Variants in CERS6 observed in about 807,000 individuals in gnomAD.
The protein encoded by CERS6 is ceramide synthase 6, also known as LAG1 homolog, ceramide synthase 6.
Under a neutral mutation model 56.8 loss-of-function variants are expected in CERS6, and 26 were observed. That is an observed-to-expected ratio of 0.46 (90% CI 0.34 to 0.63). The LOEUF (loss-of-function observed/expected upper bound fraction) is 0.63, where lower values mean the gene tolerates loss of function less well. Ranked by LOEUF, CERS6 falls within the 30% of genes least tolerant of loss-of-function variation. The pLI is 0.01. For missense variants in CERS6, 415 were observed against 467.5 expected (o/e 0.89, Z 1.04); for synonymous variants, 164 against 173.3 (o/e 0.95, Z 0.42).
chr2:168,615,560 A>G (rs1684296656), intron 3 of CERS6, among the ~76,000 whole-genome samples: 1 of 148,158 alleles, frequency 6.7e-6, no homozygotes, highest in Non-Finnish European at 1.5e-5. Flanking sequence ...GATGCACGAA[A>G]GAAATGCAAA....
chr2:168,725,148 GC>G (rs1048752663), intron 8 of CERS6, among the ~76,000 whole-genome samples: 5 of 152,250 alleles, frequency 3.3e-5, no homozygotes, highest in Admixed American at 2.6e-4. Flanking sequence ...CGGGTGCTAA[GC>G]CCCTCATTGC....
intron 3 of CERS6, among the ~76,000 whole-genome samples, chr2:168,597,782 A>C (rs2105408150): frequency 6.6e-6 from 1 of 152,352 alleles, no homozygotes; most frequent in African/African-American, 2.4e-5. Flanking sequence ...AATTTATTCA[A>C]AGCCTGTATT....
At chr2:168,501,509 C>T (rs1282474951) in intron 1 of CERS6, among the ~76,000 whole-genome samples, 2 of 152,172 alleles carry the variant, frequency 1.3e-5, no homozygotes, top group Non-Finnish European at 1.5e-5. Flanking sequence ...CCAGGAGTTC[C>T]CCCTATAATG....
At chr2:168,681,464 A>G (rs754316791) in intron 4 of CERS6, among the ~76,000 whole-genome samples, 5 of 152,190 alleles carry the variant, frequency 3.3e-5, no homozygotes, top group Non-Finnish European at 7.4e-5. Context: ...ATAAATATAG[A>G]GCAAATTGGG....
At chr2:168,761,889 AT>A (rs762588092) in intron 8 of CERS6, among the ~76,000 whole-genome samples, 1 of 152,090 alleles carries the variant, frequency 6.6e-6, no homozygotes, top group Non-Finnish European at 1.5e-5. Flanking sequence ...TTATTAATAA[AT>A]ATTTATTAAT....
chr2:168,746,805 AT>A (rs1421671857), intron 8 of CERS6, among the ~76,000 whole-genome samples: 4 of 112,818 alleles, frequency 3.5e-5, no homozygotes, highest in African/African-American at 1.1e-4. Context: ...ATATATATAT[AT>A]ATATATATAT....
At chr2:168,573,108 T>TGGA (rs1043155466) in intron 3 of CERS6, among the ~76,000 whole-genome samples, 1 of 151,892 alleles carries the variant, frequency 6.6e-6, no homozygotes, top group Non-Finnish European at 1.5e-5. Context: ...AAAAAAGGGG[T>TGGA]GACTGGGGCA....
intron 4 of CERS6, among the ~76,000 whole-genome samples, chr2:168,685,104 C>T (rs1448352966): frequency 6.6e-6 from 1 of 152,176 alleles, no homozygotes; most frequent in Non-Finnish European, 1.5e-5. Flanking sequence ...TATTCCTTGA[C>T]TCCTAGTTGC....
chr2:168,554,773 A>C (rs1350942892), intron 2 of CERS6, among the ~76,000 whole-genome samples: 3 of 152,208 alleles, frequency 2.0e-5, no homozygotes, highest in Admixed American at 1.3e-4. Context: ...TGAAAATAAG[A>C]GCATAGGTGA....
At chr2:168,634,270 A>G (rs901269013) in intron 4 of CERS6, among the ~76,000 whole-genome samples, 10 of 152,240 alleles carry the variant, frequency 6.6e-5, no homozygotes, top group Admixed American at 3.3e-4. Context: ...AGCAGAGTCA[A>G]ATACTTTTGT....
chr2:168,671,685 A>G (rs1685921741), intron 4 of CERS6, among the ~76,000 whole-genome samples: 1 of 152,182 alleles, frequency 6.6e-6, no homozygotes, highest in Admixed American at 6.5e-5. Flanking sequence ...TAGGTAAAAG[A>G]TATCTGTTAT....
At chr2:168,467,502 G>A (rs767863511) in intron 1 of CERS6, among the ~76,000 whole-genome samples, 10 of 152,148 alleles carry the variant, frequency 6.6e-5, no homozygotes, top group Non-Finnish European at 1.2e-4. Flanking sequence ...TTGCTCTTTT[G>A]TATATCTATT....
chr2:168,600,254 G>T (rs1322618846), intron 3 of CERS6, among the ~76,000 whole-genome samples: 1 of 150,096 alleles, frequency 6.7e-6, no homozygotes, highest in East Asian at 1.9e-4. Context: ...GCCCAGGCTG[G>T]AGTGCAGTGG....
At chr2:168,470,067 C>T (rs1036246778) in intron 1 of CERS6, among the ~76,000 whole-genome samples, 1 of 152,078 alleles carries the variant, frequency 6.6e-6, no homozygotes, top group African/African-American at 2.4e-5. Context: ...CAGCTGGTCA[C>T]TCTACCTGAC....
At chr2:168,562,032 GAGTCATT>G (rs1695798953) in intron 3 of CERS6, among the ~76,000 whole-genome samples, 1 of 152,178 alleles carries the variant, frequency 6.6e-6, no homozygotes, top group Non-Finnish European at 1.5e-5. Flanking sequence ...CGTGCCTGGA[GAGTCATT>G]ACCCTATGTG....
chr2:168,516,358 A>G (rs977484652), intron 1 of CERS6, among the ~76,000 whole-genome samples: 5 of 152,180 alleles, frequency 3.3e-5, no homozygotes, highest in African/African-American at 4.8e-5. Context: ...ACTATGTAAT[A>G]TCATATAATA....
intron 6 of CERS6, among the ~76,000 whole-genome samples, chr2:168,711,471 A>G (rs1322305573): frequency 6.6e-6 from 1 of 152,166 alleles, no homozygotes; most frequent in African/African-American, 2.4e-5. Flanking sequence ...CAGTGGCTCA[A>G]GCCTGTAATC....
chr2:168,758,138 C>A (rs1367379217), intron 8 of CERS6, among the ~76,000 whole-genome samples: 2 of 152,144 alleles, frequency 1.3e-5, no homozygotes, highest in Non-Finnish European at 2.9e-5. Context: ...GCAGATTAGT[C>A]ATCTTAGGTA....
intron 4 of CERS6, among the ~76,000 whole-genome samples, chr2:168,667,877 T>C (rs559476101): frequency 6.6e-6 from 1 of 152,318 alleles, no homozygotes; most frequent in East Asian, 1.9e-4. Context: ...GTGAAAGAAA[T>C]ATGCATGGAG....
Sources: allele counts gnomAD v4.1 joint callset (sites outside exome capture counted in the v4.1 genomes callset), GRCh38; gene constraint gnomAD v4.1.1; transcripts MANE v1.5; gene names NCBI Gene and HGNC (gene_info 2026-07-23, HGNC 2026-07-21).